The following GLI2 variants were observed in gnomAD, a reference collection of about 807,000 sequenced individuals.
GLI2 encodes the protein transcription activator GLI2.
In GLI2, 22 loss-of-function variants were observed where a neutral mutation model predicts 78.9. That is an observed-to-expected ratio of 0.28 (90% CI 0.20 to 0.40). The LOEUF (loss-of-function observed/expected upper bound fraction) is 0.40. GLI2 is among the 10% of genes least tolerant of loss of function. GLI2 has a pLI of 1.00. For synonymous variants in GLI2, 974 were observed against 963.7 expected (o/e 1.01, Z -0.20); for missense variants, 2,097 against 2,213.2 (o/e 0.95, Z 1.05).
chr2:120,862,564 G>A (rs1241976556), intron 2 of GLI2, among the ~76,000 whole-genome samples: 1 of 152,234 alleles, frequency 6.6e-6, no homozygotes. Flanking sequence ...AGCTGTGGGA[G>A]CCGGAGCCCT....
chr2:120,871,785 CT>C (rs1213653674), intron 2 of GLI2, among the ~76,000 whole-genome samples: 5 of 152,132 alleles, frequency 3.3e-5, no homozygotes, highest in African/African-American at 9.7e-5. Context: ...AGCAATTTGT[CT>C]TTTTTTATAT....
chr2:120,964,207 G>A (rs1681724267), intron 5 of GLI2, among the ~76,000 whole-genome samples: 1 of 152,214 alleles, frequency 6.6e-6, no homozygotes, highest in Non-Finnish European at 1.5e-5. Context: ...CAAGGGAGGT[G>A]ATGACTCGGC....
chr2:120,844,500 A>T (rs189308983), intron 2 of GLI2, among the ~76,000 whole-genome samples: 1 of 152,284 alleles, frequency 6.6e-6, no homozygotes, highest in Non-Finnish European at 1.5e-5. Context: ...GGGAAATCAG[A>T]AGACCAACTG....
intron 3 of GLI2, among the ~76,000 whole-genome samples, chr2:120,936,310 G>T (rs1402437354): frequency 6.6e-6 from 1 of 152,108 alleles, no homozygotes; most frequent in African/African-American, 2.4e-5. Flanking sequence ...GGGACATACC[G>T]AGTGGCGGAG....
intron 2 of GLI2, among the ~76,000 whole-genome samples, chr2:120,855,179 G>A (rs1271217160): frequency 6.6e-6 from 1 of 152,250 alleles, no homozygotes; most frequent in African/African-American, 2.4e-5. Flanking sequence ...GATCAGGGAA[G>A]AGGCTACAGG....
chr2:120,762,088 C>T (rs1286215047), intron 1 of GLI2, among the ~76,000 whole-genome samples: 2 of 152,174 alleles, frequency 1.3e-5, no homozygotes, highest in African/African-American at 4.8e-5. Context: ...GCTGGGGGCA[C>T]AGGGAAGTGG....
At chr2:120,864,485 T>G (rs1688036926) in intron 2 of GLI2, among the ~76,000 whole-genome samples, 1 of 152,106 alleles carries the variant, frequency 6.6e-6, no homozygotes, top group African/African-American at 2.4e-5. Flanking sequence ...CTTTTTTTTT[T>G]GAGACGGAGT....
intron 2 of GLI2, among the ~76,000 whole-genome samples, chr2:120,894,177 C>G (rs1163889099): frequency 6.6e-6 from 1 of 152,246 alleles, no homozygotes; most frequent in Non-Finnish European, 1.5e-5. Flanking sequence ...CAATCTCACC[C>G]TGGAGCTCAG....
chr2:120,990,173 C>G lies in GLI2; in HGVS notation c.4208C>G (p.Ala1403Gly), dbSNP rs370136073. The G allele has an allele frequency of 1.4e-4, 223 of 1,612,508 alleles. No individual in the cohort carries two copies. The highest frequency in any genetic ancestry group is 2.7e-5 in the Non-Finnish European group (32 of 1,179,558). Residue 1403 changes from alanine (A) to glycine (G), a missense_variant, in exon 14 of 14, where the codon GCG becomes GGG. Physicochemically the swap from Ala to Gly is moderately conservative, Grantham distance 60 (BLOSUM62 0). Around this residue, in one of 5 missense-constraint regions of GLI2, gnomAD observed 1,290 missense variants for 1,261.7 expected, o/e 1.02. Coordinates refer to ENST00000361492, the MANE Select transcript of GLI2 (RefSeq NM_001374353.1). ...QETAEAVPKG[A>G]MGNMGSVPPQ... The stretch of plus-strand genomic sequence containing the variant: ...ACAGCAGAGGCTGTGCCCAAGGGAG[C>G]GATGGGCAACATGGGGTCGGTGCCT...
chr2:120,986,212 T>G, intron 12 of GLI2, 66 bp from the exon 13 acceptor site: 2 of 1,458,630 alleles, frequency 1.4e-6, no homozygotes, highest in Non-Finnish European at 1.9e-6. Context: ...TGTGCAGGCC[T>G]AGAGGCAGGA....
intron 2 of GLI2, among the ~76,000 whole-genome samples, chr2:120,847,792 G>A (rs1687193710): frequency 6.6e-6 from 1 of 152,108 alleles, no homozygotes; most frequent in African/African-American, 2.4e-5. Context: ...TTGGAGCCAG[G>A]GAGTTGATTT....
At chr2:120,816,291 G>C (rs1040711733) in intron 2 of GLI2, among the ~76,000 whole-genome samples, 5 of 151,462 alleles carry the variant, frequency 3.3e-5, no homozygotes, top group African/African-American at 1.2e-4. Flanking sequence ...CGCCTCCCGG[G>C]TTCAGGTGAT....
At position 120,883,987 on chromosome 2, in the gene GLI2, G is replaced by A. The variant is rs564050406; in HGVS notation, c.149-43374G>A. On this transcript the variant is annotated intron_variant, in intron 2 of 13. Coordinates refer to ENST00000361492, the MANE Select transcript of GLI2 (RefSeq NM_001374353.1). Reference sequence around the variant, plus strand: ...GGAGAGTGGGGATTTGCACCCTTCCGCAGGCCACCCCTGTGTTCCTGCTCA... The same window carrying A: ...GGAGAGTGGGGATTTGCACCCTTCCACAGGCCACCCCTGTGTTCCTGCTCA... Among the ~76,000 whole-genome samples, 5 of 152,290 alleles carry A rather than the reference G, an allele frequency of 3.3e-5. No individual in the cohort carries two copies. The South Asian group carries it at 6.2e-4, about 19-fold the overall frequency.
At chr2:120,790,571 A>T (rs1420929636) in intron 1 of GLI2, among the ~76,000 whole-genome samples, 1 of 152,100 alleles carries the variant, frequency 6.6e-6, no homozygotes, top group Non-Finnish European at 1.5e-5. Flanking sequence ...CCCAGTGTGG[A>T]ATGGCTGGAA....
intron 1 of GLI2, among the ~76,000 whole-genome samples, chr2:120,740,895 C>T (rs960230086): frequency 3.3e-5 from 5 of 152,240 alleles, no homozygotes; most frequent in African/African-American, 1.2e-4. Flanking sequence ...CGGCTGCAGG[C>T]TGAGGCGGGG....
At chr2:120,913,791 G>A (rs773947160) in intron 2 of GLI2, among the ~76,000 whole-genome samples, 23 of 152,236 alleles carry the variant, frequency 1.5e-4, no homozygotes, top group Non-Finnish European at 3.2e-4. Flanking sequence ...AAAGGTCATT[G>A]ATTGTCTGTG....
chr2:120,871,381 A>G (rs886134611), intron 2 of GLI2, among the ~76,000 whole-genome samples: 1 of 152,226 alleles, frequency 6.6e-6, no homozygotes, highest in African/African-American at 2.4e-5. Flanking sequence ...GCTGATGTTG[A>G]GAAACGGAGA....
intron 5 of GLI2, among the ~76,000 whole-genome samples, chr2:120,961,651 G>A (rs1324066728): frequency 6.6e-6 from 1 of 152,184 alleles, no homozygotes. Context: ...GGGTGAGAGG[G>A]CTGTGGATGG....
At chr2:120,834,885 C>A (rs1239346310) in intron 2 of GLI2, among the ~76,000 whole-genome samples, 2 of 152,040 alleles carry the variant, frequency 1.3e-5, no homozygotes, top group Admixed American at 6.6e-5. Context: ...CTGGTGCACT[C>A]CTCATGTGGC....
Sources: gnomAD v4.1 joint callset for allele counts (sites outside exome capture counted in the v4.1 genomes callset) on GRCh38, gnomAD v4.1.1 for gene constraint, gnomAD v4.1.1 regional missense constraint, MANE v1.5 for transcripts, NCBI Gene and HGNC (gene_info 2026-07-23, HGNC 2026-07-21) for gene names.